FAM53B: variants seen among roughly 807,000 people sequenced by gnomAD.
FAM53B encodes protein FAM53B.
In FAM53B, 12 loss-of-function variants were observed where a neutral mutation model predicts 32.7. The observed-to-expected ratio is 0.37, with a 90% CI of 0.24 to 0.59. FAM53B has a LOEUF of 0.59. Ranked by LOEUF, FAM53B falls within the 20% of genes least tolerant of loss-of-function variation. The pLI is 0.72. For missense variants in FAM53B, 477 were observed against 577.7 expected, an observed-to-expected ratio of 0.83 and a Z score of 1.79; for synonymous variants, 234 against 228.7, an observed-to-expected ratio of 1.02 and a Z score of -0.21.
chr10:124,685,034 G>A (rs2134070292), intron 3 of FAM53B, among the ~76,000 whole-genome samples: 1 of 152,300 alleles, frequency 6.6e-6, no homozygotes, highest in African/African-American at 2.4e-5. Context: ...GGAATAACAT[G>A]GAGCATGAAG....
At chr10:124,637,531 C>T (rs1258220097) in intron 4 of FAM53B, among the ~76,000 whole-genome samples, 1 of 152,196 alleles carries the variant, frequency 6.6e-6, no homozygotes, top group Non-Finnish European at 1.5e-5. Flanking sequence ...TAATGGCCAC[C>T]ATAGGCCAGA....
At chr10:124,631,272 G>C (rs931477926) in intron 4 of FAM53B, among the ~76,000 whole-genome samples, 1 of 152,198 alleles carries the variant, frequency 6.6e-6, no homozygotes, top group Non-Finnish European at 1.5e-5. Context: ...TGGGGACAAG[G>C]ACTCTAAGGA....
intron 4 of FAM53B, among the ~76,000 whole-genome samples, chr10:124,642,045 A>T (rs1217125756): frequency 6.6e-6 from 1 of 152,206 alleles, no homozygotes; most frequent in Admixed American, 6.5e-5. Flanking sequence ...GCGTGCATAC[A>T]CGTGTGCATA....
intron 3 of FAM53B, among the ~76,000 whole-genome samples, chr10:124,688,201 C>T (rs1949813891): frequency 6.6e-6 from 1 of 152,216 alleles, no homozygotes; most frequent in African/African-American, 2.4e-5. Flanking sequence ...AAGGGCCCAT[C>T]AGCTGTGTCC....
At chr10:124,627,774 G>GGCCCCAGCTGGGGTTTCCTGCTCAGCCT (rs1949364486) in intron 4 of FAM53B, among the ~76,000 whole-genome samples, 1 of 151,412 alleles carries the variant, frequency 6.6e-6, no homozygotes. Context: ...CATTCCCGCT[G>GGCCCCAGCTGGGGTTTCCTGCTCAGCCT]GCCCCAGCTG....
chr10:124,652,795 GGGAAC>G (rs1234309891), intron 4 of FAM53B, among the ~76,000 whole-genome samples: 3 of 152,206 alleles, frequency 2.0e-5, no homozygotes, highest in African/African-American at 7.2e-5. Context: ...AGAGTACCCA[GGGAAC>G]GGCCGAGCAA....
intron 1 of FAM53B, among the ~76,000 whole-genome samples, chr10:124,720,901 T>C (rs1950064943): frequency 6.6e-6 from 1 of 152,212 alleles, no homozygotes; most frequent in Admixed American, 6.5e-5. Flanking sequence ...CTGGGACCGC[T>C]AAAGTTCAGA....
rs868435258 is a variant in FAM53B, at chr10:124,682,068, C to A, written c.445G>T (p.Gly149Trp). ...TTGGAATAGCGCTGGACGCTGCCCC[C>A]GCTGTAGCAGCGTCTCTTTTCCACG... ...TPVEKRRCYS[G>W]GSVQRYSNGF... The change falls in exon 4 of 5, where the codon GGG (glycine) becomes TGG (tryptophan). Residue 149 changes from glycine (G) to tryptophan (W), a missense_variant. Coordinates refer to ENST00000337318, the MANE Select transcript of FAM53B (RefSeq NM_014661.4). This position sits in a 1 kb window ranked among gnomAD's most constrained non-coding sequence, Gnocchi z 5.2. 1 of 1,613,718 alleles carries A rather than the reference C, an allele frequency of 6.2e-7. No individual in the cohort carries two copies. Among genetic ancestry groups the A allele is most frequent in the Non-Finnish European group, 8.5e-7 (1 of 1,179,812 alleles).
chr10:124,666,302 G>A (rs1358741904), intron 4 of FAM53B, among the ~76,000 whole-genome samples: 2 of 152,240 alleles, frequency 1.3e-5, no homozygotes, highest in Non-Finnish European at 2.9e-5. Context: ...CTTCGGCTTG[G>A]TCCAAGGCCA....
chr10:124,637,391 C>A (rs562659275), intron 4 of FAM53B, among the ~76,000 whole-genome samples: 13 of 152,330 alleles, frequency 8.5e-5, no homozygotes, highest in African/African-American at 2.9e-4. Flanking sequence ...CCCATCTGCA[C>A]AATGAGGGTC....
In FAM53B at chr10:124,619,354, C is replaced by G. The variant is rs1428916519; in HGVS notation, c.*3888G>C. The G allele has an allele frequency of 1.3e-5, 2 of 152,618 alleles. No homozygotes were observed. The highest frequency in any genetic ancestry group is 2.9e-5 in the Non-Finnish European group (2 of 68,054). 9.5% of individuals were successfully genotyped at this position (152,618 alleles called of 1,614,324 possible). A position where few individuals can be genotyped will look rare whatever the true frequency, so the allele number is the denominator to read the frequency against. ...AAGTAACAAGCAAATTCCTGAGAGA[C>G]TAGAGCGGCTGGAGTGCAAGCCACA... is the stretch of plus-strand genomic sequence containing the variant. On this transcript the variant is annotated 3_prime_UTR_variant, in exon 5 of 5. Transcript: ENST00000337318.
At chr10:124,659,866 G>C (rs886283971) in intron 4 of FAM53B, among the ~76,000 whole-genome samples, 4 of 152,250 alleles carry the variant, frequency 2.6e-5, no homozygotes, top group African/African-American at 4.8e-5. Flanking sequence ...GAGTGCCATG[G>C]CACAATCTCA....
intron 4 of FAM53B, among the ~76,000 whole-genome samples, chr10:124,627,828 C>T (rs1443779961): frequency 1.3e-5 from 2 of 152,188 alleles, no homozygotes; most frequent in African/African-American, 4.8e-5. Flanking sequence ...CCTAGGGCTT[C>T]CCAGCTTGGA....
intron 1 of FAM53B, among the ~76,000 whole-genome samples, chr10:124,724,886 A>C (rs1257310356): frequency 1.3e-5 from 2 of 152,162 alleles, no homozygotes; most frequent in Non-Finnish European, 2.9e-5. Flanking sequence ...CGCGCTTCCC[A>C]CGTGTTTTCG....
chr10:124,650,291 G>A lies in FAM53B; in HGVS notation c.907-26687C>T, dbSNP rs557847601. On this transcript the variant is annotated intron_variant, in intron 4 of 4. Transcript: ENST00000337318. ...AAAGGTAAAAGAGGCCCAGGTCATC[G>A]CGGGACAGGTGTCGTCTACCCTGAA... Among the ~76,000 whole-genome samples, 9 of 152,298 alleles carry A rather than the reference G, an allele frequency of 5.9e-5. No homozygotes were observed. The South Asian group carries it at 8.3e-4, about 14-fold the overall frequency.
chr10:124,708,469 T>A (rs1949976528), intron 1 of FAM53B, among the ~76,000 whole-genome samples: 1 of 152,340 alleles, frequency 6.6e-6, no homozygotes, highest in East Asian at 1.9e-4. Context: ...CCAGGTCGCA[T>A]TGAGAGACCT....
At chr10:124,706,608 G>A in intron 2 of FAM53B, 28 bp downstream of exon 2, 2 of 1,614,086 alleles carry the variant, frequency 1.2e-6, no homozygotes, top group Middle Eastern at 3.3e-4. Context: ...AATGGTCATG[G>A]AAAGCAGGAA....
chr10:124,678,728 G>A lies in FAM53B; in HGVS notation c.906+2879C>T, dbSNP rs78934806. 4.6e-5 allele frequency among the ~76,000 whole-genome samples: 7 copies of A among 152,336 alleles called. No individual in the cohort carries two copies. In the East Asian group the frequency reaches 1.3e-3, roughly 29 times the overall value. On this transcript the variant is annotated intron_variant, in intron 4 of 4. Transcript: ENST00000337318. ...CCTGCTGAACTCAACTGTGGATACA[G>A]ATGAGGGCAGGGCCTTGGACCTCAG... is the stretch of plus-strand genomic sequence containing the variant.
intron 1 of FAM53B, among the ~76,000 whole-genome samples, chr10:124,715,662 C>T (rs571573898): frequency 2.7e-4 from 41 of 152,350 alleles, no homozygotes; most frequent in Non-Finnish European, 4.9e-4. Flanking sequence ...TGTCTATCTG[C>T]TAAGTCAGTA....
Sources: allele counts gnomAD v4.1 joint callset (sites outside exome capture counted in the v4.1 genomes callset), GRCh38; gene constraint gnomAD v4.1.1; non-coding constraint Gnocchi (gnomAD v3.1); transcripts MANE v1.5; gene names NCBI Gene and HGNC (gene_info 2026-07-23, HGNC 2026-07-21).